RAG1: variants seen among roughly 807,000 people sequenced by gnomAD.
RAG1 encodes the protein recombination activating 1.
Under a neutral mutation model 62.7 loss-of-function variants are expected in RAG1, and 35 were observed. The observed-to-expected ratio is 0.56, with a 90% CI of 0.43 to 0.74. The LOEUF (loss-of-function observed/expected upper bound fraction) is 0.74. RAG1 is among the 30% of genes least tolerant of loss of function. The pLI is 0.00. For synonymous variants in RAG1, 461 were observed against 470.3 expected (o/e 0.98, Z 0.26); for missense variants, 1,169 against 1,278.6 (o/e 0.91, Z 1.31).
At position 36,579,676 on chromosome 11, in the gene RAG1, A is replaced by G. The variant is rs746388806; in HGVS notation, c.*3240A>G. On this transcript the variant is annotated 3_prime_UTR_variant, in exon 2 of 2. Coordinates refer to ENST00000299440, the MANE Select transcript of RAG1 (RefSeq NM_000448.3). The stretch of plus-strand genomic sequence containing the variant: ...AAATATGAGTTTCAATACTTTTTAT[A>G]TTTTAATATTTCCATTCATTAATAT... 1.8e-5 allele frequency: 3 copies of G among 166,746 alleles called. No homozygotes were observed. Among genetic ancestry groups the G allele is most frequent in the Non-Finnish European group, 4.4e-5 (3 of 68,044 alleles). 10.3% of individuals were successfully genotyped at this position (166,746 alleles called of 1,614,324 possible).
intron 3 of RAG1, among the ~76,000 whole-genome samples, chr11:36,551,838 A>G (rs1366107047): frequency 2.1e-5 from 3 of 145,470 alleles, no homozygotes; most frequent in East Asian, 2.1e-4. Context: ...ATTCCCACCT[A>G]TGAGTGAGAA....
intron 2 of RAG1, among the ~76,000 whole-genome samples, chr11:36,525,773 C>A (rs1860152507): frequency 6.6e-6 from 1 of 152,016 alleles, no homozygotes; most frequent in Non-Finnish European, 1.5e-5. Context: ...TTGCTAAACT[C>A]ACTTTTTAAA....
chr11:36,578,758 C>G lies in RAG1; in HGVS notation c.*2322C>G, dbSNP rs535198695. On this transcript the variant is annotated 3_prime_UTR_variant, in exon 2 of 2. Transcript: ENST00000299440. ...CGCTGCCTATGGTTTTTTGCCCTTA[C>G]TGTTGAGACTGCAATATCCTAGACC... is the stretch of plus-strand genomic sequence containing the variant. 1 of 167,170 alleles carries G rather than the reference C, an allele frequency of 6.0e-6. No individual in the cohort carries two copies. Among genetic ancestry groups the G allele is most frequent in the Admixed American group, 6.5e-5 (1 of 15,298 alleles). The allele number at this position is 167,170 out of a possible 1,614,324, so 10.4% of individuals were successfully genotyped here. A position where few individuals can be genotyped will look rare whatever the true frequency, so the allele number is the denominator to read the frequency against.
At chr11:36,559,487 C>G (rs757360286) in intron 3 of RAG1, among the ~76,000 whole-genome samples, 27 of 152,268 alleles carry the variant, frequency 1.8e-4, no homozygotes, top group Admixed American at 3.3e-4. Flanking sequence ...TTCTCAAACT[C>G]CCATAATTAA....
intron 3 of RAG1, among the ~76,000 whole-genome samples, chr11:36,561,694 G>T (rs2133280955): frequency 6.6e-6 from 1 of 152,272 alleles, no homozygotes; most frequent in Non-Finnish European, 1.5e-5. Context: ...AGCTGGAGCT[G>T]GGAAATTATT....
At chr11:36,535,565 G>A (rs1248105738) in intron 2 of RAG1, among the ~76,000 whole-genome samples, 6 of 152,116 alleles carry the variant, frequency 3.9e-5, no homozygotes, top group Non-Finnish European at 7.3e-5. Flanking sequence ...CCAACATGGT[G>A]AAACTTTGTC....
downstream of RAG1, among the ~76,000 whole-genome samples, chr11:36,540,095 T>G (rs1860392287): frequency 6.6e-6 from 1 of 152,188 alleles, no homozygotes; most frequent in Admixed American, 6.5e-5. Flanking sequence ...CGTGTGAACA[T>G]TGATCCTACA....
chr11:36,530,906 T>A (rs1191283557), intron 2 of RAG1, among the ~76,000 whole-genome samples: 1 of 152,056 alleles, frequency 6.6e-6, no homozygotes, highest in Non-Finnish European at 1.5e-5. Context: ...GAGAAGGGTG[T>A]TAAAGTCTTC....
chr11:36,520,568 C>T (rs1168903758), intron 2 of RAG1, among the ~76,000 whole-genome samples: 6 of 152,128 alleles, frequency 3.9e-5, no homozygotes, highest in Non-Finnish European at 5.9e-5. Context: ...TGAGCCATGG[C>T]GCCTGGCTGA....
At position 36,576,157 on chromosome 11, in the gene RAG1, G is replaced by A. The variant is rs774065038; in HGVS notation, c.2853G>A (p.Glu951=). 1 of 1,614,120 alleles carries A rather than the reference G, an allele frequency of 6.2e-7. No individual in the cohort carries two copies. Among genetic ancestry groups the A allele is most frequent in the Non-Finnish European group, 8.5e-7 (1 of 1,180,030 alleles). ...TGGCCCATGTTCCTGAAATTATTGA[G>A]AGGGATGGCTCCATTGGGGCATGGG... ...KTLAHVPEII[E]RDGSIGAWAS... is the part of the protein sequence containing the mutation. Residue 951 remains glutamate, a synonymous_variant, in exon 2 of 2, where the codon GAG becomes GAA. Coordinates refer to ENST00000299440, the MANE Select transcript of RAG1 (RefSeq NM_000448.3).
At chr11:36,531,612 A>C (rs190048976) in intron 2 of RAG1, among the ~76,000 whole-genome samples, 1 of 152,136 alleles carries the variant, frequency 6.6e-6, no homozygotes. Context: ...ACTCCTTTAC[A>C]TTTCACCATC....
At position 36,573,455 on chromosome 11, in the gene RAG1, G is replaced by C. The variant is rs373615697; in HGVS notation, c.151G>C (p.Asp51His). 6.2e-7 allele frequency: 1 copy of C among 1,614,160 alleles called. No homozygotes were observed. Among genetic ancestry groups the C allele is most frequent in the Non-Finnish European group, 8.5e-7 (1 of 1,180,024 alleles). Residue 51 changes from aspartate to histidine, a missense_variant, in exon 2 of 2, where the codon GAT becomes CAT. Coordinates refer to ENST00000299440, the MANE Select transcript of RAG1 (RefSeq NM_000448.3). The stretch of plus-strand genomic sequence containing the variant: ...TGAAGAAGCTCAAAAGGAAAAGAAG[G>C]ATTCCTTTGAGGGGAAACCCTCTCT... ...TPEEAQKEKK[D>H]SFEGKPSLEQ...
downstream of RAG1, among the ~76,000 whole-genome samples, chr11:36,540,712 C>T (rs189020309): frequency 6.6e-6 from 1 of 152,256 alleles, no homozygotes; most frequent in Non-Finnish European, 1.5e-5. Flanking sequence ...GGCCTCTTTT[C>T]TTCGTTTTTT....
At position 36,575,144 on chromosome 11, in the gene RAG1, AGT is replaced by A; in HGVS notation, c.1842_1843del (p.Ser614ArgfsTer31). ...GMGDVSEKHG[S>X]GPVVPEKAVR... Reference sequence around the variant, plus strand: ...GGGAGACGTGAGTGAGAAGCATGGGAGTGGGCCTGTAGTTCCAGAAAAGGCAG... The same window carrying A: ...GGGAGACGTGAGTGAGAAGCATGGGAGGGCCTGTAGTTCCAGAAAAGGCAG... On this transcript the variant is annotated frameshift_variant, in exon 2 of 2. Transcript: ENST00000299440. LOFTEE classifies it high-confidence loss of function. This position sits in a 1 kb window ranked among gnomAD's most constrained non-coding sequence, Gnocchi z 4.1. 1 of 1,614,120 alleles carries A rather than the reference AGT, an allele frequency of 6.2e-7. No individual in the cohort carries two copies. The highest frequency in any genetic ancestry group is 1.1e-5 in the South Asian group (1 of 91,072).
At chr11:36,562,377 G>A (rs2133281610) in intron 3 of RAG1, among the ~76,000 whole-genome samples, 1 of 152,262 alleles carries the variant, frequency 6.6e-6, no homozygotes, top group South Asian at 2.1e-4. Flanking sequence ...ACTTAATTCT[G>A]CCAAGAACAT....
At chr11:36,523,678 G>C (rs1860115359) in intron 2 of RAG1, among the ~76,000 whole-genome samples, 1 of 151,994 alleles carries the variant, frequency 6.6e-6, no homozygotes, top group Admixed American at 6.6e-5. Flanking sequence ...GTTTGGCTTG[G>C]GCTTCCATCC....
chr11:36,544,992 C>T (rs745929791), intron 3 of RAG1, among the ~76,000 whole-genome samples: 9 of 152,194 alleles, frequency 5.9e-5, no homozygotes, highest in Non-Finnish European at 1.2e-4. Context: ...TACCCAGTCT[C>T]AGGTAGTTCT....
intron 1 of RAG1, among the ~76,000 whole-genome samples, chr11:36,518,013 G>T (rs1043541697): frequency 9.0e-6 from 1 of 111,500 alleles, no homozygotes; most frequent in African/African-American, 3.6e-5. Flanking sequence ...AACAGTTCCC[G>T]GTGTGTGATG....
chr11:36,573,166 G>T, intron 1 of RAG1, 125 bp from the exon 2 acceptor site: 1 of 988,040 alleles, frequency 1.0e-6, no homozygotes. Context: ...TAAGGTAGAA[G>T]ATTTAATACA....
Sources: gnomAD v4.1 joint callset for allele counts (sites outside exome capture counted in the v4.1 genomes callset) on GRCh38, gnomAD v4.1.1 for gene constraint, Gnocchi (gnomAD v3.1) non-coding constraint, MANE v1.5 for transcripts, NCBI Gene and HGNC (gene_info 2026-07-23, HGNC 2026-07-21) for gene names.